Variants in MTMR7 observed in about 807,000 individuals in gnomAD.
MTMR7 encodes the protein myotubularin related protein 7, also known as phosphatidylinositol-3-phosphate phosphatase MTMR7.
In MTMR7, 76 loss-of-function variants were observed where a neutral mutation model predicts 81.2. The ratio of observed to expected loss-of-function variants is 0.94; its 90% CI spans 0.78 to 1.13. The LOEUF is 1.13. Among genes scored for constraint, MTMR7 ranks in the 50% most tolerant of loss-of-function variants. The probability of loss-of-function intolerance (pLI) is 0.00; values close to 1 mark genes in which losing one functional copy is unlikely to be tolerated. For synonymous variants in MTMR7, 372 were observed against 289.8 expected (o/e 1.28, Z -2.88); for missense variants, 1,044 against 820.0 (o/e 1.27, Z -3.34).
intron 5 of MTMR7, among the ~76,000 whole-genome samples, chr8:17,347,478 C>T (rs995647700): frequency 5.9e-5 from 9 of 152,168 alleles, no homozygotes. Flanking sequence ...TAGAATCTGA[C>T]TGAGACCCTG....
chr8:17,349,093 A>T lies in MTMR7; in HGVS notation c.469-12T>A. The T allele has an allele frequency of 6.2e-7, 1 of 1,609,800 alleles. No homozygotes were observed. The highest frequency in any genetic ancestry group is 1.1e-5 in the South Asian group (1 of 90,670). Reference sequence around the variant, plus strand: ...TAAGAGTCACAGACCTGTCACCAGAAAATACAAAGAGATTTTTAGGCCATC... The same window carrying T: ...TAAGAGTCACAGACCTGTCACCAGATAATACAAAGAGATTTTTAGGCCATC... On this transcript the variant is annotated splice_polypyrimidine_tract_variant and intron_variant, in intron 4 of 13. Coordinates refer to ENST00000180173, the MANE Select transcript of MTMR7 (RefSeq NM_004686.5).
intron 1 of MTMR7, among the ~76,000 whole-genome samples, chr8:17,405,042 G>C (rs1821537311): frequency 6.6e-6 from 1 of 152,178 alleles, no homozygotes; most frequent in African/African-American, 2.4e-5. Context: ...AGTAGAGACA[G>C]GATTTCACCA....
chr8:17,375,478 ATG>A (rs1317843907), intron 1 of MTMR7, among the ~76,000 whole-genome samples: 180 of 130,826 alleles, frequency 1.4e-3, no homozygotes, highest in African/African-American at 4.8e-3. Context: ...CTACTAGCTT[ATG>A]TTTTTTTTTT....
Position 17,309,334 on chromosome 8 carries a change from A to T in MTMR7, c.1102-8T>A. On this transcript the variant is annotated splice_region_variant and splice_polypyrimidine_tract_variant and intron_variant, in intron 9 of 13. Transcript: ENST00000180173. ...GTCCTTTTCAATTAATACCTACACA[A>T]GAAAGAATACAAATATCTTGGAGAG... The T allele has an allele frequency of 6.5e-7, 1 of 1,543,622 alleles. No individual in the cohort carries two copies. The highest frequency in any genetic ancestry group is 1.1e-5 in the South Asian group (1 of 89,324).
chr8:17,331,424 C>T, intron 6 of MTMR7, 142 bp from the exon 7 acceptor site: 3 of 836,318 alleles, frequency 3.6e-6, no homozygotes, highest in African/African-American at 1.7e-5. Flanking sequence ...ATCACTGCAA[C>T]CTTGTACTGA....
intron 7 of MTMR7, among the ~76,000 whole-genome samples, chr8:17,327,481 G>C (rs146799531): frequency 2.0e-5 from 3 of 152,100 alleles, no homozygotes; most frequent in South Asian, 2.1e-4. Context: ...GGGTCTCACT[G>C]TGTTGCCCAG....
intron 3 of MTMR7, among the ~76,000 whole-genome samples, chr8:17,362,968 G>A (rs946077904): frequency 6.6e-6 from 1 of 152,178 alleles, no homozygotes; most frequent in Admixed American, 6.5e-5. Context: ...AGAAGCAACT[G>A]CTGTATGTCA....
intron 1 of MTMR7, among the ~76,000 whole-genome samples, chr8:17,397,839 G>A (rs939651515): frequency 1.3e-5 from 2 of 152,180 alleles, no homozygotes; most frequent in Non-Finnish European, 2.9e-5. Context: ...GGGTACTTGT[G>A]TCACCCCACT....
At chr8:17,322,649 A>G (rs1429582770) in intron 7 of MTMR7, among the ~76,000 whole-genome samples, 1 of 152,040 alleles carries the variant, frequency 6.6e-6, no homozygotes, top group Non-Finnish European at 1.5e-5. Context: ...GCAAGACCCC[A>G]TCTCTACAAA....
chr8:17,315,738 A>AC (rs1818032078), intron 7 of MTMR7, among the ~76,000 whole-genome samples: 1 of 152,240 alleles, frequency 6.6e-6, no homozygotes. Context: ...AAGGCTGGGC[A>AC]CAGTGCCTCA....
chr8:17,302,052 G>A (rs1041524197), intron 13 of MTMR7, 102 bp downstream of exon 13: 31 of 1,489,502 alleles, frequency 2.1e-5, no homozygotes, highest in Admixed American at 2.0e-4. Context: ...GACTAAAAAT[G>A]TGAAATATTT....
At chr8:17,323,652 G>T (rs916845102) in intron 7 of MTMR7, among the ~76,000 whole-genome samples, 1 of 152,068 alleles carries the variant, frequency 6.6e-6, no homozygotes, top group East Asian at 1.9e-4. Context: ...CCGCAGGGGT[G>T]GGGGGTCATT....
chr8:17,335,968 T>TGTACTG (rs1193551600), intron 6 of MTMR7, among the ~76,000 whole-genome samples: 1 of 152,110 alleles, frequency 6.6e-6, no homozygotes, highest in Admixed American at 6.6e-5. Flanking sequence ...GCCCTATCTG[T>TGTACTG]GTACTGGGAG....
chr8:17,322,504 G>A (rs183089040), intron 7 of MTMR7, among the ~76,000 whole-genome samples: 2 of 152,124 alleles, frequency 1.3e-5, no homozygotes, highest in South Asian at 2.1e-4. Flanking sequence ...AACTGCAGAG[G>A]TGTGTAAAAC....
intron 6 of MTMR7, among the ~76,000 whole-genome samples, chr8:17,336,106 T>G (rs1400046551): frequency 1.3e-5 from 2 of 152,186 alleles, no homozygotes; most frequent in African/African-American, 4.8e-5. Flanking sequence ...AGCGTCCAAG[T>G]GCTCAATCTC....
At chr8:17,334,631 A>G (rs1819167934) in intron 6 of MTMR7, among the ~76,000 whole-genome samples, 1 of 152,218 alleles carries the variant, frequency 6.6e-6, no homozygotes, top group South Asian at 2.1e-4. Flanking sequence ...TCAACACTGT[A>G]TAGACACCTA....
chr8:17,359,034 C>T (rs549172708), intron 4 of MTMR7, among the ~76,000 whole-genome samples: 1 of 152,074 alleles, frequency 6.6e-6, no homozygotes, highest in African/African-American at 2.4e-5. Flanking sequence ...GCTGGGACTA[C>T]AGGTGCACAC....
At chr8:17,327,431 T>G (rs939975867) in intron 7 of MTMR7, among the ~76,000 whole-genome samples, 2 of 133,368 alleles carry the variant, frequency 1.5e-5, no homozygotes, top group African/African-American at 7.2e-5. Context: ...CCACCACGCC[T>G]GGTTGATTTT....
intron 7 of MTMR7, among the ~76,000 whole-genome samples, chr8:17,327,976 A>G (rs1818776762): frequency 6.6e-6 from 1 of 152,220 alleles, no homozygotes; most frequent in Non-Finnish European, 1.5e-5. Flanking sequence ...GAAAATACTT[A>G]TGAAGTGTGG....
Sources: allele counts gnomAD v4.1 joint callset (sites outside exome capture counted in the v4.1 genomes callset), GRCh38; gene constraint gnomAD v4.1.1; transcripts MANE v1.5; gene names NCBI Gene and HGNC (gene_info 2026-07-23, HGNC 2026-07-21).